ABCC10: variants seen among roughly 807,000 people sequenced by gnomAD.
The protein encoded by ABCC10 is ATP-binding cassette sub-family C member 10.
A neutral mutation model predicts 143.2 loss-of-function variants in ABCC10; 110 were observed. That is an observed-to-expected ratio of 0.77 (90% CI 0.66 to 0.90). The LOEUF (loss-of-function observed/expected upper bound fraction) is 0.90. Ranked by LOEUF, ABCC10 falls within the 40% of genes least tolerant of loss-of-function variation. The probability of loss-of-function intolerance (pLI) is 0.00; values close to 1 mark genes in which losing one functional copy is unlikely to be tolerated. For synonymous variants in ABCC10, 805 were observed against 846.7 expected, an observed-to-expected ratio of 0.95 and a Z score of 0.85; for missense variants, 1,700 against 1,900.5, an observed-to-expected ratio of 0.89 and a Z score of 1.96.
rs1411589691 is a variant in ABCC10 at position 43,436,159 on chromosome 6, C to T, written c.1787C>T (p.Thr596Ile). The T allele has an allele frequency of 1.2e-6, 2 of 1,614,166 alleles. No individual in the cohort carries two copies. The highest frequency in any genetic ancestry group is 1.7e-5 in the Admixed American group (1 of 60,026). Residue 596 changes from threonine to isoleucine, a missense_variant, in exon 6 of 22, where the codon ACA becomes ATA. Transcript: ENST00000372530. ...YSPDPPAEPS[T>I]VLELHGALFS... The stretch of plus-strand genomic sequence containing the variant: ...TCAGATCCCCCTGCAGAGCCATCTA[C>T]AGTATTGGAGCTGCATGGAGCCTTG...
rs2127387838 is a variant in ABCC10 at position 43,434,789 on chromosome 6, A to G, written c.1549A>G (p.Ile517Val). Residue 517 changes from isoleucine to valine, a missense_variant, in exon 4 of 22, where the codon ATC becomes GTC. Ile to Val is a conservative substitution (Grantham distance 29). Transcript: ENST00000372530. ...VYLWAALPVV[I>V]SIVIFITYVL... is the part of the protein sequence containing the mutation. Reference sequence around the variant, plus strand: ...CCTGTGGGCTGCCCTACCGGTTGTCATCTCCATCGTTATCTTCATCACCTA... The same window carrying G: ...CCTGTGGGCTGCCCTACCGGTTGTCGTCTCCATCGTTATCTTCATCACCTA... 1 of 1,614,134 alleles carries G rather than the reference A, an allele frequency of 6.2e-7. No homozygotes were observed. The highest frequency in any genetic ancestry group is 1.1e-5 in the South Asian group (1 of 91,082).
intron 6 of ABCC10, among the ~76,000 whole-genome samples, chr6:43,437,624 A>G (rs1230345725): frequency 6.6e-6 from 1 of 152,094 alleles, no homozygotes; most frequent in Non-Finnish European, 1.5e-5. Context: ...TGCCTGTCTC[A>G]GAGTTTACCT....
Position 43,450,305 on chromosome 6 carries a change from T to C in ABCC10, c.*214T>C. 1 of 823,848 alleles carries C rather than the reference T, an allele frequency of 1.2e-6. No homozygotes were observed. Among genetic ancestry groups the C allele is most frequent in the Non-Finnish European group, 1.8e-6 (1 of 557,556 alleles). The allele number at this position is 823,848 out of a possible 1,614,324, so 51.0% of individuals were successfully genotyped here. A position where few individuals can be genotyped will look rare whatever the true frequency, so the allele number is the denominator to read the frequency against. Reference sequence around the variant, plus strand: ...CAGAACCAGGCCTCTGCTCTGGCCCTCTTGCATCTGGAACGCCAGGTGGGT... The same window carrying C: ...CAGAACCAGGCCTCTGCTCTGGCCCCCTTGCATCTGGAACGCCAGGTGGGT... On this transcript the variant is annotated 3_prime_UTR_variant, in exon 22 of 22. Transcript: ENST00000372530. This position sits in a 1 kb window ranked among gnomAD's most constrained non-coding sequence, Gnocchi z 4.5.
chr6:43,427,665 G>T lies in ABCC10; in HGVS notation c.-104G>T. 2.1e-6 allele frequency: 1 copy of T among 480,588 alleles called. No individual in the cohort carries two copies. The allele number at this position is 480,588 out of a possible 1,614,324, so 29.8% of individuals were successfully genotyped here. A position where few individuals can be genotyped will look rare whatever the true frequency, so the allele number is the denominator to read the frequency against. ...TTTTTTTTGCATACACCAGTTCTCA[G>T]GATATCGGAATCCGGTGCACAGCAG... On this transcript the variant is annotated 5_prime_UTR_variant, in exon 1 of 22. In the 5' UTR this introduces an upstream ATG that the reference lacks. Coordinates refer to ENST00000372530, the MANE Select transcript of ABCC10 (RefSeq NM_001198934.2).
intron 7 of ABCC10, chr6:43,438,334 C>G (rs1781974222): frequency 1.4e-6 from 2 of 1,411,854 alleles, no homozygotes; most frequent in Non-Finnish European, 1.8e-6. Flanking sequence ...ACCTTGTTTT[C>G]AGATGGGAAC....
intron 7 of ABCC10, 41 bp downstream of exon 7, chr6:43,438,054 T>G (rs1345873486): frequency 6.3e-7 from 1 of 1,586,766 alleles, no homozygotes; most frequent in Non-Finnish European, 8.6e-7. Context: ...ACTTTGTCCT[T>G]TAGCAAACAC....
In ABCC10 at chr6:43,443,818, G is replaced by T; in HGVS notation, c.2417-115G>T. ...TCGAGGTCTAGGGGTATCCTGCTAG[G>T]GTGGGTTAGACGGGGAGGCCTGAGA... On this transcript the variant is annotated intron_variant, in intron 10 of 21. Coordinates refer to ENST00000372530, the MANE Select transcript of ABCC10 (RefSeq NM_001198934.2). The surrounding 1 kb of genome is among the most constrained non-coding windows in gnomAD (Gnocchi z 4.2). 9.4e-7 allele frequency: 1 copy of T among 1,060,816 alleles called. No individual in the cohort carries two copies. The highest frequency in any genetic ancestry group is 1.3e-5 in the South Asian group (1 of 76,314). The allele number at this position is 1,060,816 out of a possible 1,614,324, so 65.7% of individuals were successfully genotyped here. A position where few individuals can be genotyped will look rare whatever the true frequency, so the allele number is the denominator to read the frequency against.
rs1782979065 is a variant in ABCC10 at position 43,445,675 on chromosome 6, A to T, written c.3107A>T (p.Asp1036Val). 12 of 1,614,148 alleles carry T rather than the reference A, an allele frequency of 7.4e-6. No homozygotes were observed. The highest frequency in any genetic ancestry group is 9.3e-6 in the Non-Finnish European group (11 of 1,180,028). ...TTCTCCTCTGATGTGGCCTGTGCGG[A>T]TGACAGCCTGCCCTTCATCCTCAAC... is the stretch of plus-strand genomic sequence containing the variant. ...NRFSSDVACADDSLPFILNIL... is the reference protein window; with the variant it reads ...NRFSSDVACAVDSLPFILNIL... The change falls in exon 15 of 22, where the codon GAT (aspartate) becomes GTT (valine). Residue 1036 changes from aspartate (D) to valine (V), a missense_variant. By Grantham distance (152) the Asp-to-Val change is radical. Transcript: ENST00000372530.
Position 43,444,794 on chromosome 6 carries a change from G to C in ABCC10, c.2696G>C (p.Arg899Pro). Residue 899 changes from arginine (R) to proline (P), a missense_variant, in exon 13 of 22, where the codon CGG becomes CCG. Coordinates refer to ENST00000372530, the MANE Select transcript of ABCC10 (RefSeq NM_001198934.2). ...LFSLLLMQATRNAADWWLSHW... is the reference protein window; with the variant it reads ...LFSLLLMQATPNAADWWLSHW... Reference sequence around the variant, plus strand: ...CCTTCCTGTCCCCACCCAGCCACGCGGAACGCTGCTGACTGGTGGCTCTCC... The same window carrying C: ...CCTTCCTGTCCCCACCCAGCCACGCCGAACGCTGCTGACTGGTGGCTCTCC... The C allele has an allele frequency of 6.3e-7, 1 of 1,595,220 alleles. No homozygotes were observed.
chr6:43,429,737 C>T (rs1307102952), intron 2 of ABCC10, among the ~76,000 whole-genome samples: 3 of 152,054 alleles, frequency 2.0e-5, no homozygotes, highest in African/African-American at 4.8e-5. Flanking sequence ...AAAAATTGGC[C>T]GGGCCCAGTG....
chr6:43,435,966 T>C (rs1248006350), intron 5 of ABCC10, 59 bp downstream of exon 5: 4 of 1,608,990 alleles, frequency 2.5e-6, no homozygotes, highest in Non-Finnish European at 2.5e-6. Context: ...TGGAGCCACT[T>C]GGGTGCTGCG....
chr6:43,446,026 G>A lies in ABCC10; in HGVS notation c.3374+84G>A, dbSNP rs1272733959. The A allele has an allele frequency of 6.3e-6, 9 of 1,433,900 alleles. No homozygotes were observed. The East Asian group carries it at 2.1e-4, about 34-fold the overall frequency. The allele number at this position is 1,433,900 out of a possible 1,614,324, so 88.8% of individuals were successfully genotyped here. ...CCAAGAAGAGGAATATGCAGGGTATGGTTGGTTCAGCCCTCCTGGGGACAA... is the reference window on the plus strand; with the variant it reads ...CCAAGAAGAGGAATATGCAGGGTATAGTTGGTTCAGCCCTCCTGGGGACAA... On this transcript the variant is annotated intron_variant, in intron 15 of 21. Coordinates refer to ENST00000372530, the MANE Select transcript of ABCC10 (RefSeq NM_001198934.2).
chr6:43,450,755 C>T, downstream of ABCC10: 2 of 1,614,230 alleles, frequency 1.2e-6, no homozygotes, highest in Non-Finnish European at 1.7e-6. This position sits in a 1 kb window ranked among gnomAD's most constrained non-coding sequence, Gnocchi z 4.5. Flanking sequence ...GGGCCCCAAA[C>T]ACCACCAGGG....
At position 43,444,264 on chromosome 6, in the gene ABCC10, C is replaced by T. The variant is rs1243647163; in HGVS notation, c.2600C>T (p.Ala867Val). ...CAGGAAGAAAGCAAGAAGGAGGGCG[C>T]CGTGGCCTTGCACGTGTACCAAGCT... Reference protein sequence around the residue: ...LLQEESKKEGAVALHVYQAYW... With the variant: ...LLQEESKKEGVVALHVYQAYW... Residue 867 changes from alanine (A) to valine (V), a missense_variant, in exon 12 of 22, where the codon GCC becomes GTC. Coordinates refer to ENST00000372530, the MANE Select transcript of ABCC10 (RefSeq NM_001198934.2). 2 of 1,614,156 alleles carry T rather than the reference C, an allele frequency of 1.2e-6. No homozygotes were observed. The highest frequency in any genetic ancestry group is 1.1e-5 in the South Asian group (1 of 91,086).
At chr6:43,448,186 T>G in intron 18 of ABCC10, 1 of 642,972 alleles carries the variant, frequency 1.6e-6, no homozygotes, top group Non-Finnish European at 2.8e-6. Flanking sequence ...TTTCTTGTAC[T>G]TCCTACCATA....
Position 43,432,805 on chromosome 6 carries a change from G to A in ABCC10, c.825G>A (p.Arg275=), listed in dbSNP as rs762323853. 2.5e-6 allele frequency: 4 copies of A among 1,614,188 alleles called. No individual in the cohort carries two copies. Among genetic ancestry groups the A allele is most frequent in the Non-Finnish European group, 3.4e-6 (4 of 1,180,034 alleles). Residue 275 remains arginine (R), a synonymous_variant, in exon 3 of 22, where the codon AGG becomes AGA. Transcript: ENST00000372530. Reference sequence around the variant, plus strand: ...GGCAGGAGGGGGCACGGCTGTGGAGGGCCTTGTATGGGGCCTTTGGACGGT... The same window carrying A: ...GGCAGGAGGGGGCACGGCTGTGGAGAGCCTTGTATGGGGCCTTTGGACGGT... The part of the protein sequence containing the change: ...AHWQEGARLW[R]ALYGAFGRCY...
In ABCC10 at chr6:43,443,154, G is replaced by T. The variant is rs767098942; in HGVS notation, c.2411G>T (p.Arg804Leu). 6.3e-7 allele frequency: 1 copy of T among 1,595,940 alleles called. No individual in the cohort carries two copies. Among genetic ancestry groups the T allele is most frequent in the Non-Finnish European group, 8.5e-7 (1 of 1,176,064 alleles). Residue 804 changes from arginine (R) to leucine (L), a missense_variant, in exon 10 of 22, where the codon CGG becomes CTG. Transcript: ENST00000372530. The surrounding 1 kb of genome is among the most constrained non-coding windows in gnomAD (Gnocchi z 4.2). The stretch of plus-strand genomic sequence containing the variant: ...CTGATGGAGGCCGGGCGCCTCATCC[G>T]GGCTGGTAATGGGGGCAGGAGCCCC... ...VLLMEAGRLI[R>L]AGPPSEILPL... is the part of the protein sequence containing the mutation.
At position 43,447,821 on chromosome 6, in the gene ABCC10, C is replaced by T. The variant is rs760770527; in HGVS notation, c.3843C>T (p.Arg1281=). 4 of 1,613,712 alleles carry T rather than the reference C, an allele frequency of 2.5e-6. No homozygotes were observed. The highest frequency in any genetic ancestry group is 2.5e-6 in the Non-Finnish European group (3 of 1,180,018). ...QPGEKLGIVG[R]TGSGKSSLLL... ...GAGAGAAGTTGGGCATCGTGGGCCG[C>T]ACAGGCTCCGGCAAGTCTTCCCTGT... Residue 1281 remains arginine (R), a synonymous_variant, in exon 18 of 22, where the codon CGC becomes CGT. Transcript: ENST00000372530.
rs774538560 is a variant in ABCC10, at chr6:43,438,659, A to T, written c.1991A>T (p.Lys664Met). Reference sequence around the variant, plus strand: ...CATGTGGCAGTGCGGGGGCTGTCCAAGGGCTTTGGCCTGGCCACCCAGGAA... The same window carrying T: ...CATGTGGCAGTGCGGGGGCTGTCCATGGGCTTTGGCCTGGCCACCCAGGAA... ...RGHVAVRGLSKGFGLATQEPW... is the reference protein window; with the variant it reads ...RGHVAVRGLSMGFGLATQEPW... Residue 664 changes from lysine (K) to methionine (M), a missense_variant, in exon 8 of 22, where the codon AAG (lysine) becomes ATG (methionine). Lys to Met is a moderately conservative substitution (Grantham distance 95). Transcript: ENST00000372530. 1 of 1,614,188 alleles carries T rather than the reference A, an allele frequency of 6.2e-7. No homozygotes were observed. Among genetic ancestry groups the T allele is most frequent in the Non-Finnish European group, 8.5e-7 (1 of 1,180,028 alleles).
Sources: allele counts gnomAD v4.1 joint callset (sites outside exome capture counted in the v4.1 genomes callset), GRCh38; gene constraint gnomAD v4.1.1; non-coding constraint Gnocchi (gnomAD v3.1); transcripts MANE v1.5; gene names NCBI Gene and HGNC (gene_info 2026-07-23, HGNC 2026-07-21).